Variants in LEF1 observed in about 807,000 individuals in gnomAD.
LEF1 encodes lymphoid enhancer binding factor 1.
A neutral mutation model predicts 51.2 loss-of-function variants in LEF1; 14 were observed. The ratio of observed to expected loss-of-function variants is 0.27; its 90% confidence interval spans 0.18 to 0.43. The LOEUF (loss-of-function observed/expected upper bound fraction) is 0.43, where lower values mean the gene tolerates loss of function less well. LEF1 is among the 20% of genes least tolerant of loss of function. The probability of loss-of-function intolerance (pLI) is 1.00; values close to 1 mark genes in which losing one functional copy is unlikely to be tolerated. For synonymous variants in LEF1, 185 were observed against 183.2 expected (o/e 1.01, Z -0.08); for missense variants, 386 against 512.0 (o/e 0.75, Z 2.37).
At chr4:108,116,824 C>T (rs553232025) in intron 3 of LEF1, among the ~76,000 whole-genome samples, 1 of 152,278 alleles carries the variant, frequency 6.6e-6, no homozygotes, top group East Asian at 1.9e-4. Flanking sequence ...ATAGGATCTG[C>T]TTCAGCAAGT....
intron 3 of LEF1, among the ~76,000 whole-genome samples, chr4:108,102,477 A>C (rs1204767622): frequency 6.6e-6 from 1 of 152,110 alleles, no homozygotes; most frequent in Non-Finnish European, 1.5e-5. Context: ...CTACCACTAA[A>C]TTAACCTTCA....
rs999556208 is a variant in LEF1 at position 108,048,679 on chromosome 4, G to A, written c.*79C>T. The A allele has an allele frequency of 1.9e-6, 3 of 1,601,958 alleles. No individual in the cohort carries two copies. The highest frequency in any genetic ancestry group is 1.7e-5 in the Admixed American group (1 of 58,550). On this transcript the variant is annotated 3_prime_UTR_variant, in exon 12 of 12. Coordinates refer to ENST00000265165, the MANE Select transcript of LEF1 (RefSeq NM_016269.5). ...TGGAGACAGTCTGGGTTTTCAACAA[G>A]CTTCCATCTCCAGAAGAGGTCCTGG... is the stretch of plus-strand genomic sequence containing the variant.
intron 3 of LEF1, among the ~76,000 whole-genome samples, chr4:108,132,657 GCC>G (rs1249225574): frequency 2.7e-5 from 1 of 37,362 alleles, no homozygotes; most frequent in African/African-American, 7.0e-5. Context: ...GCGAAAATCT[GCC>G]TTTTTTTTTT....
At chr4:108,063,041 T>C (rs1294470562) in intron 11 of LEF1, among the ~76,000 whole-genome samples, 1 of 152,144 alleles carries the variant, frequency 6.6e-6, no homozygotes, top group Non-Finnish European at 1.5e-5. Context: ...AATCTAGCAA[T>C]AGTTACCAAT....
intron 3 of LEF1, among the ~76,000 whole-genome samples, chr4:108,140,168 G>A (rs539968678): frequency 5.8e-4 from 89 of 152,168 alleles, no homozygotes; most frequent in Non-Finnish European, 5.7e-4. Context: ...TACCTTGAGT[G>A]AAATGCAGTC....
chr4:108,095,205 C>T (rs918955992), intron 3 of LEF1, among the ~76,000 whole-genome samples: 7 of 152,282 alleles, frequency 4.6e-5, no homozygotes, highest in African/African-American at 1.4e-4. Flanking sequence ...TAGAGACCTG[C>T]ACCATCATCA....
chr4:108,079,374 G>T, intron 7 of LEF1, 118 bp downstream of exon 7: 1 of 1,123,322 alleles, frequency 8.9e-7, no homozygotes, highest in Non-Finnish European at 1.3e-6. Flanking sequence ...TCAAGGCAGA[G>T]GTGCATTGAG....
At chr4:108,131,100 G>C (rs1186194659) in intron 3 of LEF1, among the ~76,000 whole-genome samples, 2 of 151,876 alleles carry the variant, frequency 1.3e-5, no homozygotes, top group Admixed American at 1.3e-4. Context: ...TCAGCCGCCA[G>C]AGCAGCTGGG....
In LEF1 at chr4:108,129,984, A is replaced by T. The variant is rs1742770125; in HGVS notation, c.414+33584T>A. 3.9e-5 allele frequency among the ~76,000 whole-genome samples: 6 copies of T among 152,176 alleles called. No homozygotes were observed. The South Asian group carries it at 1.2e-3, about 32-fold the overall frequency. On this transcript the variant is annotated intron_variant, in intron 3 of 11. Coordinates refer to ENST00000265165, the MANE Select transcript of LEF1 (RefSeq NM_016269.5). Reference sequence around the variant, plus strand: ...GGTCCTCTTAAGCTGTGTTATGAGTAACGATACTATTTACAGGGTGAATGA... The same window carrying T: ...GGTCCTCTTAAGCTGTGTTATGAGTTACGATACTATTTACAGGGTGAATGA...
In LEF1 at chr4:108,048,358, T is replaced by G. The variant is rs1381256582; in HGVS notation, c.*400A>C. 2.0e-5 allele frequency: 4 copies of G among 201,108 alleles called. No homozygotes were observed. The highest frequency in any genetic ancestry group is 4.0e-5 in the Non-Finnish European group (4 of 100,302). 12.5% of individuals were successfully genotyped at this position (201,108 alleles called of 1,614,324 possible). ...GCTCCAGTTGCGCATGACAGGCAAATGCAGCCAAGTTACCGTCCTTGCCGA... is the reference window on the plus strand; with the variant it reads ...GCTCCAGTTGCGCATGACAGGCAAAGGCAGCCAAGTTACCGTCCTTGCCGA... On this transcript the variant is annotated 3_prime_UTR_variant, in exon 12 of 12. Coordinates refer to ENST00000265165, the MANE Select transcript of LEF1 (RefSeq NM_016269.5).
chr4:108,166,751 T>C (rs1745423860), intron 1 of LEF1: 10 of 988,358 alleles, frequency 1.0e-5, no homozygotes, highest in African/African-American at 8.7e-5. Flanking sequence ...TCCGCCTTTC[T>C]TCTGCGTAGA....
chr4:108,093,287 C>T (rs1050944189), intron 3 of LEF1, among the ~76,000 whole-genome samples: 5 of 152,096 alleles, frequency 3.3e-5, no homozygotes, highest in Admixed American at 6.6e-5. Context: ...TAGAAAAGTT[C>T]GATCCTTTTG....
chr4:108,102,163 T>C (rs1025194137), intron 3 of LEF1, among the ~76,000 whole-genome samples: 2 of 152,102 alleles, frequency 1.3e-5, no homozygotes, highest in Non-Finnish European at 2.9e-5. Flanking sequence ...AGGCACTGGT[T>C]TAATGGCAAC....
intron 9 of LEF1, among the ~76,000 whole-genome samples, chr4:108,068,481 T>C (rs762968971): frequency 7.9e-5 from 12 of 152,304 alleles, no homozygotes; most frequent in Non-Finnish European, 1.5e-4. Flanking sequence ...ATAATATTCA[T>C]GTAATAGTAT....
In LEF1 at chr4:108,091,460, A is replaced by C. The variant is rs544967304; in HGVS notation, c.415-2203T>G. ...AAGAAACTTACGGGGGGGGGAAAAA[A>C]AAGGAAAAAAAAATCACACTTTTTT... On this transcript the variant is annotated intron_variant, in intron 3 of 11. Coordinates refer to ENST00000265165, the MANE Select transcript of LEF1 (RefSeq NM_016269.5). Among the ~76,000 whole-genome samples the C allele has an allele frequency of 2.3e-3, 349 of 152,038 alleles. 1 individual carries two copies. Among genetic ancestry groups the C allele is most frequent in the African/African-American group, 8.0e-3 (332 of 41,444 alleles).
chr4:108,055,590 CCAAAATA>C (rs1737259452), intron 11 of LEF1, among the ~76,000 whole-genome samples: 1 of 152,190 alleles, frequency 6.6e-6, no homozygotes, highest in Non-Finnish European at 1.5e-5. Context: ...CAAAATTTAT[CCAAAATA>C]CTTCTTTTTT....
intron 1 of LEF1, 155 bp from the exon 2 acceptor site, chr4:108,165,318 T>C: frequency 1.7e-6 from 1 of 593,072 alleles, no homozygotes; most frequent in Non-Finnish European, 3.0e-6. Flanking sequence ...TGTTTAGTAC[T>C]GCATAATCCT....
chr4:108,067,809 C>T (rs1167486190), intron 9 of LEF1, among the ~76,000 whole-genome samples: 2 of 152,090 alleles, frequency 1.3e-5, no homozygotes, highest in African/African-American at 2.4e-5. Flanking sequence ...GGATCACAGG[C>T]GTGAGCCACC....
chr4:108,149,458 C>CAAAAAAAATAAAAAAAAAAA, intron 3 of LEF1, among the ~76,000 whole-genome samples: 1 of 60,592 alleles, frequency 1.7e-5, no homozygotes, highest in African/African-American at 7.2e-5. Context: ...GACTCCGTCT[C>CAAAAAAAATAAAAAAAAAAA]AAAAAAAAAA....
Sources: allele counts gnomAD v4.1 joint callset (sites outside exome capture counted in the v4.1 genomes callset), GRCh38; gene constraint gnomAD v4.1.1; transcripts MANE v1.5; gene names NCBI Gene and HGNC (gene_info 2026-07-23, HGNC 2026-07-21).